The following ESRP1 variants were observed in gnomAD, a reference collection of about 807,000 sequenced individuals.
The protein encoded by ESRP1 is RNA-binding motif protein 35A.
In ESRP1, 33 loss-of-function variants were observed where a neutral mutation model predicts 81.7. The observed-to-expected ratio is 0.40, with a 90% CI of 0.31 to 0.54. The LOEUF is 0.54. ESRP1 is among the 20% of genes least tolerant of loss of function. The probability of loss-of-function intolerance (pLI) is 0.41; values close to 1 mark genes in which losing one functional copy is unlikely to be tolerated. For missense variants in ESRP1, 672 were observed against 833.1 expected (o/e 0.81, Z 2.38); for synonymous variants, 320 against 303.3 (o/e 1.06, Z -0.57).
At chr8:94,697,250 T>C (rs999249525) in intron 15 of ESRP1, among the ~76,000 whole-genome samples, 2 of 152,232 alleles carry the variant, frequency 1.3e-5, no homozygotes, top group South Asian at 4.1e-4. Flanking sequence ...GTATTCTTTT[T>C]TTTAATTGAG....
chr8:94,702,650 A>AT (rs1307199745), intron 15 of ESRP1, among the ~76,000 whole-genome samples: 7 of 152,012 alleles, frequency 4.6e-5, no homozygotes, highest in African/African-American at 1.7e-4. Context: ...TGCCTAGCTA[A>AT]TTTTTTGTAT....
chr8:94,692,911 G>A, intron 14 of ESRP1, 84 bp downstream of exon 14: 1 of 1,427,482 alleles, frequency 7.0e-7, no homozygotes, highest in South Asian at 1.3e-5. Flanking sequence ...GAAAGAAACA[G>A]ATTCTATGAA....
chr8:94,664,556 A>G (rs979140282), intron 6 of ESRP1, 141 bp from the exon 7 acceptor site: 17 of 642,318 alleles, frequency 2.6e-5, no homozygotes, highest in Non-Finnish European at 4.7e-5. Flanking sequence ...TGAGGTTATA[A>G]GGAAAATCAA....
intron 13 of ESRP1, among the ~76,000 whole-genome samples, chr8:94,685,057 C>T (rs545350140): frequency 1.3e-5 from 2 of 151,584 alleles, no homozygotes; most frequent in East Asian, 3.9e-4. Context: ...CTATATATGG[C>T]AAATCCTCAA....
chr8:94,659,190 T>G (rs547424350), intron 4 of ESRP1, among the ~76,000 whole-genome samples: 81 of 152,220 alleles, frequency 5.3e-4, no homozygotes, highest in African/African-American at 1.9e-3. Flanking sequence ...CAGTTTTGTT[T>G]TGTTTAAAAA....
intron 12 of ESRP1, among the ~76,000 whole-genome samples, chr8:94,675,557 T>A (rs1195445574): frequency 1.3e-5 from 2 of 152,226 alleles, no homozygotes; most frequent in Non-Finnish European, 2.9e-5. Context: ...CATTAATAAG[T>A]ATGAAGTTTT....
Position 94,657,746 on chromosome 8 carries a change from C to G in ESRP1, c.491-4526C>G, listed in dbSNP as rs1818507851. Among the ~76,000 whole-genome samples, 4 of 152,178 alleles carry G rather than the reference C, an allele frequency of 2.6e-5. No homozygotes were observed. The South Asian group carries it at 8.3e-4, about 32-fold the overall frequency. Reference sequence around the variant, plus strand: ...GTCTATTTCTAACCAGGCAGGAATGCTTTACATTTTTACTTTTGATCTCTG... The same window carrying G: ...GTCTATTTCTAACCAGGCAGGAATGGTTTACATTTTTACTTTTGATCTCTG... On this transcript the variant is annotated intron_variant, in intron 4 of 15. Coordinates refer to ENST00000433389, the MANE Select transcript of ESRP1 (RefSeq NM_017697.4).
rs1322125445 is a variant in ESRP1, at chr8:94,690,135, T to C, written c.1821-2542T>C. On this transcript the variant is annotated intron_variant, in intron 13 of 15. Coordinates refer to ENST00000433389, the MANE Select transcript of ESRP1 (RefSeq NM_017697.4). ...GCCCGGCCTAATTTTTTTTGTTTTT[T>C]TGTTTGTTTGTTTTTTGTTTTTTAG... Among the ~76,000 whole-genome samples, 3 of 149,026 alleles carry C rather than the reference T, an allele frequency of 2.0e-5. No individual in the cohort carries two copies. In the East Asian group the frequency reaches 5.9e-4, roughly 29 times the overall value.
chr8:94,668,460 T>C (rs2130629068), intron 10 of ESRP1: 2 of 413,418 alleles, frequency 4.8e-6, no homozygotes, highest in East Asian at 7.7e-5. Context: ...TTTACAGAAA[T>C]GGGATACTGC....
rs1817696652 is a variant in ESRP1 at position 94,643,161 on chromosome 8, T to G, written c.262-142T>G. On this transcript the variant is annotated intron_variant, in intron 2 of 15. Coordinates refer to ENST00000433389, the MANE Select transcript of ESRP1 (RefSeq NM_017697.4). ...AGCTAGACGGTTCGTGGGAAAGGAG[T>G]CTGTCCAAGGTTGCCCCAGCACCGG... 1.4e-5 allele frequency: 7 copies of G among 485,842 alleles called. No individual in the cohort carries two copies. The East Asian group carries it at 1.6e-4, about 11-fold the overall frequency. The allele number at this position is 485,842 out of a possible 1,614,324, so 30.1% of individuals were successfully genotyped here. A position where few individuals can be genotyped will look rare whatever the true frequency, so the allele number is the denominator to read the frequency against.
At chr8:94,704,832 C>G (rs1421653255) in intron 15 of ESRP1, among the ~76,000 whole-genome samples, 1 of 147,064 alleles carries the variant, frequency 6.8e-6, no homozygotes, top group Non-Finnish European at 1.5e-5. Context: ...ACTCCATACT[C>G]CATCCTGGGT....
chr8:94,702,346 A>G (rs1809874280), intron 15 of ESRP1, among the ~76,000 whole-genome samples: 2 of 152,222 alleles, frequency 1.3e-5, no homozygotes, highest in Non-Finnish European at 2.9e-5. Context: ...TTCAGATTAC[A>G]TAAACTTTCT....
chr8:94,644,301 G>A (rs1408856268), intron 3 of ESRP1, among the ~76,000 whole-genome samples: 3 of 152,060 alleles, frequency 2.0e-5, no homozygotes, highest in Non-Finnish European at 4.4e-5. Context: ...TTGAAAAGAT[G>A]GAAGTAGAAT....
chr8:94,704,855 C>T (rs1385535003), intron 15 of ESRP1, among the ~76,000 whole-genome samples: 4 of 149,260 alleles, frequency 2.7e-5, no homozygotes, highest in Non-Finnish European at 5.9e-5. Context: ...TGGAGCTAGA[C>T]CCTGTTTCAA....
At chr8:94,701,414 A>G (rs1297337450) in intron 15 of ESRP1, among the ~76,000 whole-genome samples, 1 of 152,134 alleles carries the variant, frequency 6.6e-6, no homozygotes, top group African/African-American at 2.4e-5. Flanking sequence ...CAACCCAGCC[A>G]ACACACGTTG....
chr8:94,679,673 G>A (rs1448205212), intron 13 of ESRP1, among the ~76,000 whole-genome samples: 2 of 151,850 alleles, frequency 1.3e-5, no homozygotes, highest in Non-Finnish European at 2.9e-5. Context: ...TTTTCTACCA[G>A]TAGTTTTAAA....
At chr8:94,704,445 C>A (rs780120793) in intron 15 of ESRP1, among the ~76,000 whole-genome samples, 3 of 152,060 alleles carry the variant, frequency 2.0e-5, no homozygotes. Context: ...GAGACCCCAT[C>A]TCTAAAATAT....
rs58359551 is a variant in ESRP1 at position 94,689,811 on chromosome 8, C to CT, written c.1821-2841dup. 4.6e-3 allele frequency among the ~76,000 whole-genome samples: 295 copies of CT among 64,610 alleles called. 19 individuals carry two copies. Among genetic ancestry groups the CT allele is most frequent in the African/African-American group, 5.4e-3 (79 of 14,508 alleles). The allele number at this position is 64,610 out of a possible 152,430, so 42.4% of individuals were successfully genotyped here. ...CACAGGCATGTGCTATGATGCCTGG[C>CT]TTTTTTTTTTTTTTTTTTTTTTTTT... is the stretch of plus-strand genomic sequence containing the variant. On this transcript the variant is annotated intron_variant, in intron 13 of 15. Coordinates refer to ENST00000433389, the MANE Select transcript of ESRP1 (RefSeq NM_017697.4).
chr8:94,696,534 AC>A (rs1422324731), intron 14 of ESRP1, among the ~76,000 whole-genome samples: 15 of 152,218 alleles, frequency 9.9e-5, no homozygotes, highest in African/African-American at 3.6e-4. Flanking sequence ...ATGTAATCAT[AC>A]TTGCAGTAGC....
Sources: allele counts gnomAD v4.1 joint callset (sites outside exome capture counted in the v4.1 genomes callset), GRCh38; gene constraint gnomAD v4.1.1; transcripts MANE v1.5; gene names NCBI Gene and HGNC (gene_info 2026-07-23, HGNC 2026-07-21).